PAWR: variants seen among roughly 807,000 people sequenced by gnomAD.
PAWR encodes the protein pro-apoptotic WT1 regulator.
Under a neutral mutation model 32.0 loss-of-function variants are expected in PAWR, and 23 were observed. The observed-to-expected ratio is 0.72, with a 90% confidence interval of 0.52 to 1.02. The LOEUF (loss-of-function observed/expected upper bound fraction) is 1.02. Ranked by LOEUF, PAWR falls within the 50% of genes least tolerant of loss-of-function variation. The pLI is 0.00. For missense variants in PAWR, 457 were observed against 437.7 expected (o/e 1.04, Z -0.39); for synonymous variants, 226 against 187.1 (o/e 1.21, Z -1.70).
rs1340715521 is a variant in PAWR, at chr12:79,590,839, GTAACTA to G, written c.*1762_*1767del. On this transcript the variant is annotated 3_prime_UTR_variant, in exon 7 of 7. Transcript: ENST00000328827. ...AGGGAAGCCCTTATGCAGTAATTCTGTAACTATATTAAATTTGGTAATCTAACATTA... is the reference window on the plus strand; with the variant it reads ...AGGGAAGCCCTTATGCAGTAATTCTGTATTAAATTTGGTAATCTAACATTA... 6.6e-6 allele frequency: 1 copy of G among 152,218 alleles called. No homozygotes were observed. Among genetic ancestry groups the G allele is most frequent in the East Asian group, 1.9e-4 (1 of 5,202 alleles). The allele number at this position is 152,218 out of a possible 1,614,324, so 9.4% of individuals were successfully genotyped here.
chr12:79,596,784 T>G, intron 4 of PAWR, 126 bp from the exon 5 acceptor site: 1 of 560,716 alleles, frequency 1.8e-6, no homozygotes, highest in Non-Finnish European at 3.1e-6. Flanking sequence ...AGCAACTTAT[T>G]TGTAACTGTA....
In PAWR at chr12:79,594,395, C is replaced by A; in HGVS notation, c.870G>T (p.Val290=). 3.2e-6 allele frequency: 5 copies of A among 1,569,184 alleles called. No individual in the cohort carries two copies. Among genetic ancestry groups the A allele is most frequent in the Non-Finnish European group, 4.4e-6 (5 of 1,147,286 alleles). The change falls in exon 6 of 7, where the codon GTG becomes GTT. Residue 290 remains valine, a synonymous_variant. Coordinates refer to ENST00000328827, the MANE Select transcript of PAWR (RefSeq NM_002583.4). ...VRERQENLRL[V]RLMQDKEEMI... ...TTTCCTCTTTATCTTGCATCAGTCT[C>A]ACAAGTCTTAGGTTTTCTTGTCTTT...
chr12:79,625,549 T>C lies in PAWR; in HGVS notation c.517-4342A>G, dbSNP rs373888621. On this transcript the variant is annotated intron_variant, in intron 2 of 6. Transcript: ENST00000328827. ...TAAAAAGTAACAGAGGGGCCGGGCGTGGTGGCTCACGCCTGTAATCCCAGC... is the reference window on the plus strand; with the variant it reads ...TAAAAAGTAACAGAGGGGCCGGGCGCGGTGGCTCACGCCTGTAATCCCAGC... Among the ~76,000 whole-genome samples, 8 of 151,948 alleles carry C rather than the reference T, an allele frequency of 5.3e-5. No individual in the cohort carries two copies. The East Asian group carries it at 1.6e-3, about 29-fold the overall frequency.
intron 2 of PAWR, among the ~76,000 whole-genome samples, chr12:79,680,065 T>C (rs896813334): frequency 7.9e-5 from 12 of 152,230 alleles, no homozygotes; most frequent in African/African-American, 2.7e-4. Flanking sequence ...TATGCATGGG[T>C]AGACATATAC....
At chr12:79,602,854 T>G (rs1311455018) in intron 4 of PAWR, among the ~76,000 whole-genome samples, 1 of 150,616 alleles carries the variant, frequency 6.6e-6, no homozygotes, top group Non-Finnish European at 1.5e-5. Flanking sequence ...TCTGGAGTCA[T>G]CAGCATTATG....
At chr12:79,665,939 T>C (rs573544868) in intron 2 of PAWR, among the ~76,000 whole-genome samples, 38 of 152,334 alleles carry the variant, frequency 2.5e-4, no homozygotes, top group African/African-American at 8.7e-4. Context: ...TCGCAGACAT[T>C]ATCTTGTTAA....
At position 79,596,606 on chromosome 12, in the gene PAWR, T is replaced by C. The variant is rs746801701; in HGVS notation, c.736A>G (p.Arg246Gly). 6.2e-7 allele frequency: 1 copy of C among 1,600,330 alleles called. No homozygotes were observed. Among genetic ancestry groups the C allele is most frequent in the South Asian group, 1.1e-5 (1 of 90,040 alleles). Reference protein sequence around the residue: ...DVSSRYSRTDRSGFPRYNRDA... With the variant: ...DVSSRYSRTDGSGFPRYNRDA... The stretch of plus-strand genomic sequence containing the variant: ...CTGTTATATCTAGGGAACCCACTTC[T>C]ATCTGTTCGAGAATATCTACTTGAG... Residue 246 changes from arginine (R) to glycine (G), a missense_variant, in exon 5 of 7, where the codon AGA becomes GGA. Arg to Gly is a moderately radical substitution (Grantham distance 125). Transcript: ENST00000328827.
chr12:79,610,672 T>A (rs1037783318), intron 4 of PAWR, among the ~76,000 whole-genome samples: 1 of 151,504 alleles, frequency 6.6e-6, no homozygotes, highest in Non-Finnish European at 1.5e-5. Context: ...ATGCCTCTAA[T>A]CTCAGTACTT....
chr12:79,666,637 C>T (rs1877619050), intron 2 of PAWR, among the ~76,000 whole-genome samples: 1 of 152,054 alleles, frequency 6.6e-6, no homozygotes, highest in Non-Finnish European at 1.5e-5. Context: ...TTCAGCTGAA[C>T]AATAAAGAGA....
At chr12:79,649,171 A>C (rs1876721542) in intron 2 of PAWR, among the ~76,000 whole-genome samples, 1 of 152,134 alleles carries the variant, frequency 6.6e-6, no homozygotes, top group South Asian at 2.1e-4. Flanking sequence ...TTACTCCTTC[A>C]CAGAAAACTC....
At chr12:79,678,870 T>TTA (rs1555178996) in intron 2 of PAWR, among the ~76,000 whole-genome samples, 3 of 149,250 alleles carry the variant, frequency 2.0e-5, no homozygotes, top group Non-Finnish European at 4.5e-5. Context: ...TTTAGGGTAT[T>TTA]TTTTTTTTTT....
At chr12:79,668,786 C>T (rs1239164923) in intron 2 of PAWR, among the ~76,000 whole-genome samples, 1 of 152,306 alleles carries the variant, frequency 6.6e-6, no homozygotes. Context: ...TGCTGTGTGG[C>T]CTGGTTCCTA....
Position 79,615,867 on chromosome 12 carries a change from G to A in PAWR, c.649-2258C>T, listed in dbSNP as rs576261516. ...AGCCCTGGAAGTCAAAACCAGCCTA[G>A]GCAACATGGTGAAACTCTTATCTCT... is the stretch of plus-strand genomic sequence containing the variant. On this transcript the variant is annotated intron_variant, in intron 3 of 6. Coordinates refer to ENST00000328827, the MANE Select transcript of PAWR (RefSeq NM_002583.4). 3.3e-5 allele frequency among the ~76,000 whole-genome samples: 5 copies of A among 152,058 alleles called. 1 individual carries two copies. In the South Asian group the frequency reaches 6.2e-4, roughly 19 times the overall value.
chr12:79,621,653 T>G (rs1455822504), intron 2 of PAWR, among the ~76,000 whole-genome samples: 1 of 152,158 alleles, frequency 6.6e-6, no homozygotes, highest in Non-Finnish European at 1.5e-5. Context: ...TAGCTTTATA[T>G]TCTATGAGCA....
chr12:79,678,868 ATTTTT>A (rs11383561), intron 2 of PAWR, among the ~76,000 whole-genome samples: 1 of 127,834 alleles, frequency 7.8e-6, no homozygotes, highest in Non-Finnish European at 1.6e-5. Context: ...CCTTTAGGGT[ATTTTT>A]TTTTTTTTTT....
At chr12:79,611,213 TTA>T (rs1486604353) in intron 4 of PAWR, among the ~76,000 whole-genome samples, 3 of 146,484 alleles carry the variant, frequency 2.0e-5, no homozygotes, top group Non-Finnish European at 4.5e-5. Context: ...TATATAAAAC[TTA>T]TAGATATTTA....
intron 2 of PAWR, among the ~76,000 whole-genome samples, chr12:79,626,406 C>A (rs1875322006): frequency 6.7e-6 from 1 of 149,212 alleles, no homozygotes; most frequent in Admixed American, 6.7e-5. Flanking sequence ...ACTACAGGCG[C>A]CCACCACCAC....
intron 2 of PAWR, among the ~76,000 whole-genome samples, chr12:79,637,480 C>A (rs1876015838): frequency 6.6e-6 from 1 of 151,218 alleles, no homozygotes; most frequent in African/African-American, 2.4e-5. Context: ...ACCTTCCATC[C>A]CTGGCTCCTA....
rs199781241 is a variant in PAWR at position 79,657,417 on chromosome 12, A to AT, written c.516+32311dup. Among the ~76,000 whole-genome samples the AT allele has an allele frequency of 6.6e-5, 10 of 151,654 alleles. 1 individual carries two copies. The highest frequency in any genetic ancestry group is 2.1e-4 in the South Asian group (1 of 4,802). ...CTGTAGGTCACCTACACTTCAATAT[A>AT]TTTAAAAAAAAAAAAACTATCAGGA... On this transcript the variant is annotated intron_variant, in intron 2 of 6. Transcript: ENST00000328827.
Sources: allele counts gnomAD v4.1 joint callset (sites outside exome capture counted in the v4.1 genomes callset), GRCh38; gene constraint gnomAD v4.1.1; transcripts MANE v1.5; gene names NCBI Gene and HGNC (gene_info 2026-07-23, HGNC 2026-07-21).